CELF2: variants seen among roughly 807,000 people sequenced by gnomAD.
CELF2 encodes CUG triplet repeat RNA-binding protein 2.
Under a neutral mutation model 62.6 loss-of-function variants are expected in CELF2, and 8 were observed. That is an observed-to-expected ratio of 0.13 (90% CI 0.07 to 0.23). The LOEUF (loss-of-function observed/expected upper bound fraction) is 0.23. Among genes scored for constraint, CELF2 ranks in the 10% least tolerant of loss-of-function variants. The probability of loss-of-function intolerance (pLI) is 1.00; values close to 1 mark genes in which losing one functional copy is unlikely to be tolerated. For synonymous variants in CELF2, 258 were observed against 250.0 expected, an observed-to-expected ratio of 1.03 and a Z score of -0.30; for missense variants, 333 against 671.0, an observed-to-expected ratio of 0.50 and a Z score of 5.56.
At chr10:10,719,399 C>G in the CELF2 span, among the ~76,000 whole-genome samples, 1 of 152,126 alleles carries the variant, frequency 6.6e-6, no homozygotes, top group Non-Finnish European at 1.5e-5. Flanking sequence ...GCTGGGACTA[C>G]AAGAATGTTC....
the CELF2 span, among the ~76,000 whole-genome samples, chr10:10,699,840 A>G: frequency 6.6e-6 from 1 of 152,202 alleles, no homozygotes; most frequent in Non-Finnish European, 1.5e-5. Context: ...TTCCTGAATG[A>G]TGTCTCTGGT....
chr10:10,805,129 A>T (rs934959005), intron 1 of CELF2, among the ~76,000 whole-genome samples: 2 of 152,196 alleles, frequency 1.3e-5, no homozygotes, highest in Admixed American at 6.5e-5. Context: ...TCTTTGTAAT[A>T]GCCCTGTGAA....
the CELF2 span, among the ~76,000 whole-genome samples, chr10:10,608,249 C>G: frequency 1.3e-5 from 2 of 152,140 alleles, no homozygotes; most frequent in Non-Finnish European, 2.9e-5. Flanking sequence ...CCAGAAGATA[C>G]TTGGTTTGGG....
At chr10:11,007,753 G>A (rs2055549895) in intron 1 of CELF2, among the ~76,000 whole-genome samples, 2 of 152,172 alleles carry the variant, frequency 1.3e-5, no homozygotes, top group African/African-American at 4.8e-5. Flanking sequence ...AAGGTTGCAA[G>A]TCAATTTTGT....
intron 1 of CELF2, among the ~76,000 whole-genome samples, chr10:11,062,717 T>C (rs1281608196): frequency 1.3e-5 from 2 of 152,238 alleles, no homozygotes; most frequent in Non-Finnish European, 2.9e-5. Flanking sequence ...AGATGTTGTG[T>C]ACATTGTTGA....
At chr10:10,532,835 G>A in the CELF2 span, among the ~76,000 whole-genome samples, 1 of 134,028 alleles carries the variant, frequency 7.5e-6, no homozygotes, top group Non-Finnish European at 1.6e-5. Context: ...AATGATACAA[G>A]AGAAAAAAAA....
At chr10:11,035,414 T>C (rs939406165) in intron 1 of CELF2, among the ~76,000 whole-genome samples, 1 of 152,222 alleles carries the variant, frequency 6.6e-6, no homozygotes, top group Non-Finnish European at 1.5e-5. Context: ...CATTCAGTGC[T>C]GTTAATAACT....
rs370431567 is a variant in CELF2, at chr10:11,278,438, ATTTG to A, written c.841+3321_841+3324del. 7.7e-4 allele frequency among the ~76,000 whole-genome samples: 117 copies of A among 152,272 alleles called. 1 individual carries two copies. Among genetic ancestry groups the A allele is most frequent in the African/African-American group, 2.7e-3 (111 of 41,546 alleles). ...TGTCCATTTCTCTCTCAGCGGTGATATTTGTTCAGTGAATTTCAGAAATCTCAGA... is the reference window on the plus strand; with the variant it reads ...TGTCCATTTCTCTCTCAGCGGTGATATTCAGTGAATTTCAGAAATCTCAGA... On this transcript the variant is annotated intron_variant, in intron 8 of 12. Coordinates refer to ENST00000633077, the MANE Select transcript of CELF2 (RefSeq NM_001326342.2).
chr10:10,932,049 T>C (rs1268121431), intron 2 of CELF2, among the ~76,000 whole-genome samples: 2 of 151,982 alleles, frequency 1.3e-5, no homozygotes, highest in Admixed American at 6.6e-5. Context: ...CCTCCCACAG[T>C]GTGTGGGAAT....
chr10:10,571,005 A>C, the CELF2 span, among the ~76,000 whole-genome samples: 2 of 152,210 alleles, frequency 1.3e-5, no homozygotes, highest in South Asian at 2.1e-4. Context: ...ATAAAAGTAC[A>C]TCAAGGTTAA....
At chr10:10,769,890 G>A in the CELF2 span, among the ~76,000 whole-genome samples, 3 of 152,276 alleles carry the variant, frequency 2.0e-5, no homozygotes, top group African/African-American at 7.2e-5. Flanking sequence ...GCTAAAAAGT[G>A]GAGAATCAGT....
At chr10:10,647,843 C>T in the CELF2 span, among the ~76,000 whole-genome samples, 1 of 152,178 alleles carries the variant, frequency 6.6e-6, no homozygotes, top group African/African-American at 2.4e-5. Flanking sequence ...GGCCTGTCAT[C>T]GCAGTTTAGA....
At position 11,280,991 on chromosome 10, in the gene CELF2, T is replaced by C. The variant is rs1331840237; in HGVS notation, c.841+5871T>C. Among the ~76,000 whole-genome samples the C allele has an allele frequency of 1.4e-5, 2 of 138,298 alleles. No homozygotes were observed. Among genetic ancestry groups the C allele is most frequent in the East Asian group, 2.0e-4 (1 of 5,018 alleles). 90.7% of individuals were successfully genotyped at this position (138,298 alleles called of 152,430 possible). On this transcript the variant is annotated intron_variant, in intron 8 of 12. Coordinates refer to ENST00000633077, the MANE Select transcript of CELF2 (RefSeq NM_001326342.2). The surrounding 1 kb of genome is among the most constrained non-coding windows in gnomAD (Gnocchi z 7.6). ...GCGTGCGTGTGCATGCCTGTGTGCG[T>C]GTGTGTGTGTGTGTGTGTGTGTGTG...
At chr10:10,564,688 A>G in the CELF2 span, among the ~76,000 whole-genome samples, 173 of 119,942 alleles carry the variant, frequency 1.4e-3, no homozygotes, top group Middle Eastern at 4.1e-3. Flanking sequence ...ACACGCACAC[A>G]CACACACACA....
chr10:11,208,352 G>A (rs2060940836), intron 2 of CELF2, among the ~76,000 whole-genome samples: 1 of 152,206 alleles, frequency 6.6e-6, no homozygotes, highest in East Asian at 1.9e-4. Context: ...CCTTCGGGAT[G>A]CAGACCCAAA....
chr10:10,940,239 G>A (rs1201641549), intron 2 of CELF2, among the ~76,000 whole-genome samples: 2 of 152,100 alleles, frequency 1.3e-5, no homozygotes, highest in African/African-American at 2.4e-5. Context: ...GTTATACCCG[G>A]GTTTTTTTGT....
chr10:10,868,851 T>G (rs572639183), intron 1 of CELF2, among the ~76,000 whole-genome samples: 16 of 152,376 alleles, frequency 1.1e-4, no homozygotes, highest in African/African-American at 3.8e-4. Context: ...GGGAAGAATT[T>G]GTGGCTCACT....
chr10:10,890,119 C>G (rs2062027702), intron 1 of CELF2, among the ~76,000 whole-genome samples: 1 of 152,176 alleles, frequency 6.6e-6, no homozygotes, highest in African/African-American at 2.4e-5. Context: ...GATGAGTTCT[C>G]ATGACTTTTT....
chr10:10,938,210 A>G lies in CELF2; in HGVS notation c.89+18211A>G, dbSNP rs1014241747. On this transcript the variant is annotated intron_variant, in intron 2 of 13. Coordinates refer to the CELF2 transcript ENST00000636488. The surrounding 1 kb of genome is among the most constrained non-coding windows in gnomAD (Gnocchi z 4.2). ...CTAATGGGCATGTGATGTTGATGAA[A>G]AATAGCATTCAAGTAAAGTTTACCA... is the stretch of plus-strand genomic sequence containing the variant. 2.0e-5 allele frequency among the ~76,000 whole-genome samples: 3 copies of G among 152,230 alleles called. No individual in the cohort carries two copies. The highest frequency in any genetic ancestry group is 7.2e-5 in the African/African-American group (3 of 41,448).
Sources: allele counts gnomAD v4.1 joint callset (sites outside exome capture counted in the v4.1 genomes callset), GRCh38; gene constraint gnomAD v4.1.1; non-coding constraint Gnocchi (gnomAD v3.1); transcripts MANE v1.5; gene names NCBI Gene and HGNC (gene_info 2026-07-23, HGNC 2026-07-21).